SLC13A5: variants seen among roughly 807,000 people sequenced by gnomAD.
SLC13A5 encodes solute carrier family 13 member 5, also known as Na(+)/citrate cotransporter.
A neutral mutation model predicts 56.5 loss-of-function variants in SLC13A5; 25 were observed. The observed-to-expected ratio is 0.44, with a 90% CI of 0.32 to 0.62. The LOEUF (loss-of-function observed/expected upper bound fraction) is 0.62. Among genes scored for constraint, SLC13A5 ranks in the 20% least tolerant of loss-of-function variants. The pLI is 0.04. For synonymous variants in SLC13A5, 307 were observed against 301.5 expected (o/e 1.02, Z -0.19); for missense variants, 649 against 737.8 (o/e 0.88, Z 1.39).
At chr17:6,699,194 A>T (rs1597666716) in intron 6 of SLC13A5, among the ~76,000 whole-genome samples, 1 of 152,194 alleles carries the variant, frequency 6.6e-6, no homozygotes, top group South Asian at 2.1e-4. Context: ...CTGTTGCCCC[A>T]TGAGGAGACA....
chr17:6,685,723 T>TCATGTC lies in SLC13A5; in HGVS notation c.*483_*484insGACATG. The TCATGTC allele has an allele frequency of 1.3e-5, 2 of 153,328 alleles. No individual in the cohort carries two copies. The highest frequency in any genetic ancestry group is 2.9e-5 in the Non-Finnish European group (2 of 68,710). The allele number at this position is 153,328 out of a possible 1,614,324, so 9.5% of individuals were successfully genotyped here. A position where few individuals can be genotyped will look rare whatever the true frequency, so the allele number is the denominator to read the frequency against. On this transcript the variant is annotated 3_prime_UTR_variant, in exon 12 of 12. Coordinates refer to ENST00000433363, the MANE Select transcript of SLC13A5 (RefSeq NM_177550.5). The surrounding 1 kb of genome is among the most constrained non-coding windows in gnomAD (Gnocchi z 4.2). ...TTCCGTCCCTGGCTGGGGTGTCCCTTCCAGAGTGACAGAGATGATCTGAGG... is the reference window on the plus strand; with the variant it reads ...TTCCGTCCCTGGCTGGGGTGTCCCTTCATGTCCCAGAGTGACAGAGATGATCTGAGG...
rs1473693788 is a variant in SLC13A5 at position 6,713,363 on chromosome 17, G to T, written c.-30C>A. On this transcript the variant is annotated 5_prime_UTR_variant, in exon 1 of 12. Transcript: ENST00000433363. The surrounding 1 kb of genome is among the most constrained non-coding windows in gnomAD (Gnocchi z 7.3). ...CGGGAGGGAGACTGGCGGGCGAGAC[G>T]AGTGAGGGGCAGCTAGAGGCGCCGC... 2 of 1,599,468 alleles carry T rather than the reference G, an allele frequency of 1.3e-6. No individual in the cohort carries two copies. The highest frequency in any genetic ancestry group is 4.5e-5 in the East Asian group (2 of 44,720).
At chr17:6,700,888 G>A in intron 6 of SLC13A5, 116 bp downstream of exon 6, 1 of 1,464,330 alleles carries the variant, frequency 6.8e-7, no homozygotes, top group Non-Finnish European at 9.3e-7. Flanking sequence ...CAGGGCTGGA[G>A]AAAGATCAGG....
At chr17:6,706,585 C>A (rs1597676374) in intron 3 of SLC13A5, 57 bp downstream of exon 3, 2 of 1,590,320 alleles carry the variant, frequency 1.3e-6, no homozygotes, top group East Asian at 2.3e-5. Flanking sequence ...CCTCCACCCC[C>A]TTCCAGCCCT....
intron 1 of SLC13A5, among the ~76,000 whole-genome samples, chr17:6,709,644 T>C (rs1306239797): frequency 6.6e-6 from 1 of 152,200 alleles, no homozygotes; most frequent in African/African-American, 2.4e-5. Flanking sequence ...GAAGAACAGA[T>C]GCACCTGTAC....
intron 10 of SLC13A5, chr17:6,688,856 T>A (rs1267803992): frequency 2.6e-5 from 4 of 152,208 alleles, no homozygotes; most frequent in African/African-American, 9.7e-5. Flanking sequence ...GCTAGAGGAT[T>A]AAGGTCTGTA....
chr17:6,703,060 G>T lies in SLC13A5; in HGVS notation c.626C>A (p.Thr209Asn), dbSNP rs1973759049. Residue 209 changes from threonine to asparagine, a missense_variant, in exon 5 of 12, where the codon ACC (threonine) becomes AAC (asparagine). Thr to Asn is a moderately conservative substitution (Grantham distance 65). Coordinates refer to ENST00000433363, the MANE Select transcript of SLC13A5 (RefSeq NM_177550.5). ...GCTGGCCGCGTAGCAGATGCACAGGGTCATGGCCTTACACAACCTCTTCCG... is the reference window on the plus strand; with the variant it reads ...GCTGGCCGCGTAGCAGATGCACAGGTTCATGGCCTTACACAACCTCTTCCG... ...QERKRLCKAM[T>N]LCICYAASIG... The T allele has an allele frequency of 1.1e-5, 17 of 1,614,198 alleles. No homozygotes were observed. The highest frequency in any genetic ancestry group is 1.4e-5 in the Non-Finnish European group (16 of 1,180,028).
intron 7 of SLC13A5, chr17:6,695,382 AGTGGT>A (rs1326855959): frequency 8.9e-6 from 2 of 224,764 alleles, no homozygotes; most frequent in African/African-American, 2.3e-5. Context: ...GCACTAAGCC[AGTGGT>A]GTCTTTCTTT....
chr17:6,706,296 C>G (rs1488712851), intron 3 of SLC13A5, among the ~76,000 whole-genome samples: 2 of 152,144 alleles, frequency 1.3e-5, no homozygotes, highest in African/African-American at 4.8e-5. Context: ...GCCTGCTTCC[C>G]TTATCCTATC....
intron 11 of SLC13A5, chr17:6,686,700 C>T (rs538068754): frequency 2.2e-5 from 5 of 222,550 alleles, no homozygotes; most frequent in South Asian, 8.5e-5. Context: ...CCTACAAGGA[C>T]GTGCCAGCTT....
rs1973721354 is a variant in SLC13A5, at chr17:6,701,800, C to T, written c.717-674G>A. The stretch of plus-strand genomic sequence containing the variant: ...ATCTGCAGAGACCTCAGCAATCTCG[C>T]TCTGTGGGTTTCTGCAAAGAACGGT... On this transcript the variant is annotated intron_variant, in intron 5 of 11. Transcript: ENST00000433363. This position sits in a 1 kb window ranked among gnomAD's most constrained non-coding sequence, Gnocchi z 4.1. Among the ~76,000 whole-genome samples the T allele has an allele frequency of 6.6e-6, 1 of 152,236 alleles. No homozygotes were observed. The highest frequency in any genetic ancestry group is 2.4e-5 in the African/African-American group (1 of 41,464).
intron 1 of SLC13A5, among the ~76,000 whole-genome samples, chr17:6,707,776 G>A (rs1597678654): frequency 6.6e-6 from 1 of 151,874 alleles, no homozygotes; most frequent in South Asian, 2.1e-4. Context: ...ATATAGCGTG[G>A]TCGAATGGAT....
intron 7 of SLC13A5, among the ~76,000 whole-genome samples, chr17:6,694,640 G>A (rs1356621082): frequency 1.3e-5 from 2 of 152,002 alleles, no homozygotes; most frequent in African/African-American, 4.8e-5. Flanking sequence ...AGTGGTATGG[G>A]AGACTGAATC....
At chr17:6,705,472 G>C (rs1415990614) in intron 3 of SLC13A5, 1 of 152,192 alleles carries the variant, frequency 6.6e-6, no homozygotes, top group African/African-American at 2.4e-5. Context: ...AGGGAGCCAA[G>C]CAGAAGAATT....
chr17:6,706,686 C>A lies in SLC13A5; in HGVS notation c.324G>T (p.Arg108Ser). 3.7e-6 allele frequency: 6 copies of A among 1,613,948 alleles called. No individual in the cohort carries two copies. Among genetic ancestry groups the A allele is most frequent in the Non-Finnish European group, 5.1e-6 (6 of 1,179,960 alleles). Reference protein sequence around the residue: ...VAVERWNLHKRIALRTLLWVG... With the variant: ...VAVERWNLHKSIALRTLLWVG... ...CCCAGAGGAGCGTGCGCAGGGCGAT[C>A]CTCTTGTGCAGGTTCCAGCGCTCCA... Residue 108 changes from arginine to serine, a missense_variant, in exon 3 of 12, where the codon AGG becomes AGT. Coordinates refer to ENST00000433363, the MANE Select transcript of SLC13A5 (RefSeq NM_177550.5).
In SLC13A5 at chr17:6,686,051, T is replaced by C. The variant is rs146841834; in HGVS notation, c.*156A>G. The C allele has an allele frequency of 4.1e-5, 42 of 1,033,456 alleles. No homozygotes were observed. In the African/African-American group the frequency reaches 5.9e-4, roughly 15 times the overall value. The allele number at this position is 1,033,456 out of a possible 1,614,324, so 64.0% of individuals were successfully genotyped here. A position where few individuals can be genotyped will look rare whatever the true frequency, so the allele number is the denominator to read the frequency against. On this transcript the variant is annotated 3_prime_UTR_variant, in exon 12 of 12. Transcript: ENST00000433363. ...CCATGACCATCTCTGCATCTGGGCT[T>C]GGAGGAAGAGGTGGCCCATTGGCTG...
chr17:6,706,792 C>G lies in SLC13A5; in HGVS notation c.232-14G>C. On this transcript the variant is annotated splice_polypyrimidine_tract_variant and intron_variant, in intron 2 of 11. Transcript: ENST00000433363. ...CTGGACACACACCTGGAGCGTGGCA[C>G]GAAGGCCTCATCAGGACTGTCCCTT... The G allele has an allele frequency of 1.9e-6, 3 of 1,613,718 alleles. No homozygotes were observed. The highest frequency in any genetic ancestry group is 2.5e-6 in the Non-Finnish European group (3 of 1,179,824).
At chr17:6,689,878 T>C (rs1973349682) in intron 10 of SLC13A5, 3 of 151,796 alleles carry the variant, frequency 2.0e-5, no homozygotes, top group African/African-American at 7.3e-5. Flanking sequence ...TTTTGCAGTC[T>C]ACAGAGGCTT....
chr17:6,693,785 G>A (rs886693248), intron 8 of SLC13A5, among the ~76,000 whole-genome samples: 3 of 152,152 alleles, frequency 2.0e-5, no homozygotes, highest in African/African-American at 7.2e-5. Flanking sequence ...AGCAAAGACT[G>A]GGAGGAAGAG....
Sources: allele counts gnomAD v4.1 joint callset (sites outside exome capture counted in the v4.1 genomes callset), GRCh38; gene constraint gnomAD v4.1.1; non-coding constraint Gnocchi (gnomAD v3.1); transcripts MANE v1.5; gene names NCBI Gene and HGNC (gene_info 2026-07-23, HGNC 2026-07-21).